Variants in POLE observed in about 807,000 individuals in gnomAD.
The protein encoded by POLE is DNA polymerase epsilon catalytic subunit A.
A neutral mutation model predicts 279.2 loss-of-function variants in POLE; 188 were observed. The observed-to-expected ratio is 0.67, with a 90% confidence interval of 0.60 to 0.76. The LOEUF (loss-of-function observed/expected upper bound fraction) is 0.76. Ranked by LOEUF, POLE falls within the 30% of genes least tolerant of loss-of-function variation. The probability of loss-of-function intolerance (pLI) is 0.00; values close to 1 mark genes in which losing one functional copy is unlikely to be tolerated. For synonymous variants in POLE, 1,214 were observed against 1,172.5 expected, an observed-to-expected ratio of 1.04 and a Z score of -0.72; for missense variants, 2,703 against 3,016.7, an observed-to-expected ratio of 0.90 and a Z score of 2.44.
chr12:132,667,673 G>T (rs758506892), intron 19 of POLE, 25 bp from the exon 20 acceptor site: 2 of 1,612,710 alleles, frequency 1.2e-6, no homozygotes, highest in Middle Eastern at 3.3e-4. Flanking sequence ...GATGGGCAGA[G>T]CAGGTGGGTG....
intron 41 of POLE, 75 bp from the exon 42 acceptor site, chr12:132,636,099 A>T (rs1287757084): frequency 1.6e-5 from 23 of 1,476,056 alleles, no homozygotes; most frequent in Non-Finnish European, 2.0e-5. Flanking sequence ...TTCCCCTTGT[A>T]TCTATCTGTA....
chr12:132,630,461 G>A (rs1213752435), intron 45 of POLE, among the ~76,000 whole-genome samples: 2 of 152,144 alleles, frequency 1.3e-5, no homozygotes, highest in Non-Finnish European at 2.9e-5. Context: ...ATTAAAAAAT[G>A]CCCCACAGCC....
In POLE at chr12:132,648,776, C is replaced by G; in HGVS notation, c.4149+153G>C. ...CCCGGCACTCGCTCTGCCCCAGGCT[C>G]GGTGCTCAGCGCTCACACACGTTGT... On this transcript the variant is annotated intron_variant, in intron 32 of 48. Coordinates refer to ENST00000320574, the MANE Select transcript of POLE (RefSeq NM_006231.4). The G allele has an allele frequency of 5.1e-6, 4 of 783,362 alleles. No individual in the cohort carries two copies. In the South Asian group the frequency reaches 5.8e-5, roughly 11 times the overall value. The allele number at this position is 783,362 out of a possible 1,614,324, so 48.5% of individuals were successfully genotyped here.
intron 12 of POLE, among the ~76,000 whole-genome samples, chr12:132,674,930 C>T (rs5744762): frequency 6.7e-5 from 10 of 149,202 alleles, no homozygotes; most frequent in Admixed American, 2.0e-4. Flanking sequence ...GTTGGCATTT[C>T]CACATCCACC....
chr12:132,646,763 C>T (rs1361096051), intron 32 of POLE, among the ~76,000 whole-genome samples: 4 of 151,692 alleles, frequency 2.6e-5, no homozygotes, highest in Non-Finnish European at 5.9e-5. Context: ...ACCCGGGAGG[C>T]GGAGGTTGCG....
In POLE at chr12:132,649,764, C is replaced by G; in HGVS notation, c.3708G>C (p.Trp1236Cys). Reference sequence around the variant, plus strand: ...GGTCCTGGGACTCCTCCTGGCTCTCCCAAAGAACTCGCTTCCTCTTCACAG... The same window carrying G: ...GGTCCTGGGACTCCTCCTGGCTCTCGCAAAGAACTCGCTTCCTCTTCACAG... ...PVTVKRKRVL[W>C]ESQEESQDLT... The change falls in exon 30 of 49, where the codon TGG becomes TGC. Residue 1236 changes from tryptophan to cysteine, a missense_variant. Trp to Cys is a radical substitution (Grantham distance 215). Transcript: ENST00000320574. 1 of 1,614,188 alleles carries G rather than the reference C, an allele frequency of 6.2e-7. No homozygotes were observed. Among genetic ancestry groups the G allele is most frequent in the Non-Finnish European group, 8.5e-7 (1 of 1,180,036 alleles).
chr12:132,624,743 TCCAGGAGG>T lies in POLE; in HGVS notation c.6807_6814del (p.Tyr2269Ter). On this transcript the variant is annotated stop_gained and frameshift_variant, in exon 49 of 49. Coordinates refer to ENST00000320574, the MANE Select transcript of POLE (RefSeq NM_006231.4). LOFTEE classifies it high-confidence loss of function. ...CTTCTGCAGCAGCCACTCCAGGGTC[TCCAGGAGG>T]TACGACATGCCGTAGTGCTGGGCAA... The T allele has an allele frequency of 6.2e-7, 1 of 1,613,498 alleles. No individual in the cohort carries two copies. The highest frequency in any genetic ancestry group is 8.5e-7 in the Non-Finnish European group (1 of 1,179,418).
At chr12:132,637,141 C>CT (rs2042050508) in intron 41 of POLE, among the ~76,000 whole-genome samples, 1 of 152,242 alleles carries the variant, frequency 6.6e-6, no homozygotes, top group Non-Finnish European at 1.5e-5. Context: ...CACAGTGGGT[C>CT]TGCAGGAGGA....
chr12:132,683,465 C>T (rs1420218625), intron 1 of POLE, among the ~76,000 whole-genome samples: 1 of 152,090 alleles, frequency 6.6e-6, no homozygotes, highest in African/African-American at 2.4e-5. Flanking sequence ...CTTCTAAAAC[C>T]GTAAGAGAAT....
chr12:132,641,169 C>A, intron 39 of POLE: 1 of 426,546 alleles, frequency 2.3e-6, no homozygotes, highest in Non-Finnish European at 4.7e-6. Context: ...TGGTACACAG[C>A]AAGCATTGCC....
At position 132,643,251 on chromosome 12, in the gene POLE, G is replaced by T. The variant is rs750550697; in HGVS notation, c.4524C>A (p.Arg1508=). The T allele has an allele frequency of 6.2e-7, 1 of 1,613,832 alleles. No homozygotes were observed. The highest frequency in any genetic ancestry group is 8.5e-7 in the Non-Finnish European group (1 of 1,180,016). Residue 1508 remains arginine (R), a synonymous_variant, in exon 35 of 49, where the codon CGC becomes CGA. Coordinates refer to ENST00000320574, the MANE Select transcript of POLE (RefSeq NM_006231.4). ...ALFGIFIPSQ[R]RASVFVLDTV... is the part of the protein sequence containing the mutation. ...TGTCCAGCACAAAGACGGATGCCCT[G>T]CGCTGTGAGGGGATGAAGATCCCGA...
rs774067494 is a variant in POLE, at chr12:132,643,429, G to C, written c.4422C>G (p.Ala1474=). ...ALEHLEMRSL[A]QFSYLEPGSI... ...TACCTGGTTCCAGGTAGCTGAACTG[G>C]GCCAGAGAGCGCATCTCCAGGTGCT... Residue 1474 remains alanine (A), a synonymous_variant, in exon 34 of 49, where the codon GCC becomes GCG. Transcript: ENST00000320574. 6.2e-7 allele frequency: 1 copy of C among 1,614,220 alleles called. No homozygotes were observed. Among genetic ancestry groups the C allele is most frequent in the Non-Finnish European group, 8.5e-7 (1 of 1,180,046 alleles).
In POLE at chr12:132,668,841, G is replaced by A. The variant is rs2135979111; in HGVS notation, c.1893C>T (p.Tyr631=). Residue 631 remains tyrosine, a synonymous_variant, in exon 17 of 49, where the codon TAC becomes TAT. Transcript: ENST00000320574. The surrounding 1 kb of genome is among the most constrained non-coding windows in gnomAD (Gnocchi z 4.0). ...GGCGGTTGGTCAGGATGATGTTGGGGTACATGGCCCCCACGTCCAGGTGGT... is the reference window on the plus strand; with the variant it reads ...GGCGGTTGGTCAGGATGATGTTGGGATACATGGCCCCCACGTCCAGGTGGT... ...LIYHLDVGAM[Y]PNIILTNRLQ... is the part of the protein sequence containing the mutation. The A allele has an allele frequency of 6.2e-7, 1 of 1,614,150 alleles. No individual in the cohort carries two copies. The highest frequency in any genetic ancestry group is 8.5e-7 in the Non-Finnish European group (1 of 1,180,004).
chr12:132,673,742 T>C (rs1330117660), intron 12 of POLE, 35 bp from the exon 13 acceptor site: 13 of 1,610,546 alleles, frequency 8.1e-6, no homozygotes, highest in Non-Finnish European at 1.1e-5. Flanking sequence ...CCAGGATGAT[T>C]CTAACATGCA....
intron 29 of POLE, chr12:132,650,465 A>G (rs1363670652): frequency 6.5e-6 from 1 of 154,378 alleles, no homozygotes; most frequent in Non-Finnish European, 1.4e-5. Context: ...AAATAGAAAA[A>G]TTAGCTGGGT....
intron 26 of POLE, chr12:132,658,542 C>T (rs1023560861): frequency 6.5e-6 from 1 of 153,364 alleles, no homozygotes; most frequent in African/African-American, 2.4e-5. Flanking sequence ...CTGAGTAACA[C>T]ACAGAAGACT....
chr12:132,676,727 C>G, intron 8 of POLE, 74 bp from the exon 9 acceptor site: 1 of 852,180 alleles, frequency 1.2e-6, no homozygotes, highest in South Asian at 1.4e-5. Context: ...CACCCCCAGC[C>G]TGCTCTACCT....
In POLE at chr12:132,625,335, G is replaced by A. The variant is rs201899084; in HGVS notation, c.6657+310C>T. ...CCCAGCCTCTGCTCAGATGCCCCTC[G>A]GCAAGACCTTCCTGTGGCCGAGCTG... is the stretch of plus-strand genomic sequence containing the variant. On this transcript the variant is annotated intron_variant, in intron 47 of 48. Transcript: ENST00000320574. 170 of 726,548 alleles carry A rather than the reference G, an allele frequency of 2.3e-4. 1 individual carries two copies. Among genetic ancestry groups the A allele is most frequent in the Admixed American group, 6.4e-4 (37 of 57,524 alleles). 45.0% of individuals were successfully genotyped at this position (726,548 alleles called of 1,614,324 possible).
chr12:132,629,409 C>T (rs551304076), intron 45 of POLE, among the ~76,000 whole-genome samples: 8 of 152,352 alleles, frequency 5.3e-5, no homozygotes, highest in South Asian at 4.1e-4. Context: ...TTTGTCTACA[C>T]GGAAAATATG....
Sources: gnomAD v4.1 joint callset for allele counts (sites outside exome capture counted in the v4.1 genomes callset) on GRCh38, gnomAD v4.1.1 for gene constraint, Gnocchi (gnomAD v3.1) non-coding constraint, MANE v1.5 for transcripts, NCBI Gene and HGNC (gene_info 2026-07-23, HGNC 2026-07-21) for gene names.